Variants in ADCY7 observed in about 807,000 individuals in gnomAD.
ADCY7 encodes adenylate cyclase type 7.
ADCY7 carries 72 observed loss-of-function variants against 120.6 expected under a neutral mutation model. That is an observed-to-expected ratio of 0.60 (90% confidence interval 0.49 to 0.73). The LOEUF is 0.73. ADCY7 is among the 30% of genes least tolerant of loss of function. The pLI is 0.00. For synonymous variants in ADCY7, 661 were observed against 628.0 expected (o/e 1.05, Z -0.78); for missense variants, 1,227 against 1,486.0 (o/e 0.83, Z 2.87).
intron 5 of ADCY7, 111 bp downstream of exon 5, chr16:50,292,936 A>C: frequency 1.2e-5 from 17 of 1,384,692 alleles, no homozygotes; most frequent in African/African-American, 1.4e-5. Context: ...CCAGACACCC[A>C]TGCAGGTCTC....
Position 50,315,151 on chromosome 16 carries a change from T to TTA in ADCY7, c.3096+13_3096+14insTA. 6.2e-7 allele frequency: 1 copy of TTA among 1,613,766 alleles called. No individual in the cohort carries two copies. Among genetic ancestry groups the TTA allele is most frequent in the South Asian group, 1.1e-5 (1 of 91,032 alleles). On this transcript the variant is annotated intron_variant, in intron 25 of 25. Coordinates refer to ENST00000673801, the MANE Select transcript of ADCY7 (RefSeq NM_001114.5). Reference sequence around the variant, plus strand: ...TGGGAAAATCCAGGTAAAGACCTATTGGGGAAGCAGTTGACTAAGGGGAAA... The same window carrying TTA: ...TGGGAAAATCCAGGTAAAGACCTATTTAGGGGAAGCAGTTGACTAAGGGGAAA...
chr16:50,282,595 C>T (rs1219057731), intron 1 of ADCY7, among the ~76,000 whole-genome samples: 1 of 152,136 alleles, frequency 6.6e-6, no homozygotes, highest in Non-Finnish European at 1.5e-5. Context: ...TTGGTCATAG[C>T]TCTGTCCTGG....
intron 18 of ADCY7, chr16:50,310,363 T>TG (rs910663360): frequency 8.7e-7 from 1 of 1,149,306 alleles, no homozygotes; most frequent in African/African-American, 1.5e-5. Flanking sequence ...AGAGGTCCTT[T>TG]GGGAGGGTAA....
intron 19 of ADCY7, 42 bp from the exon 20 acceptor site, chr16:50,311,651 T>C (rs745834271): frequency 1.1e-5 from 15 of 1,388,638 alleles, no homozygotes; most frequent in Non-Finnish European, 1.5e-5. Flanking sequence ...TGGGTTGGAG[T>C]GGTGAGTGCT....
intron 1 of ADCY7, among the ~76,000 whole-genome samples, chr16:50,274,388 A>C (rs2033749528): frequency 6.9e-6 from 1 of 145,560 alleles, no homozygotes; most frequent in Non-Finnish European, 1.5e-5. Context: ...GGCTCCAGGG[A>C]CAGCCATGGC....
At chr16:50,312,002 G>T in intron 20 of ADCY7, 34 bp from the exon 21 acceptor site, 1 of 1,612,154 alleles carries the variant, frequency 6.2e-7, no homozygotes, top group South Asian at 1.1e-5. Context: ...CCACTTGCCT[G>T]TGGACGGGGC....
chr16:50,314,393 CCGCCTCCGCGT>C lies in ADCY7; in HGVS notation c.2961_2971del (p.Leu988HisfsTer19). The C allele has an allele frequency of 6.2e-7, 1 of 1,613,828 alleles. No individual in the cohort carries two copies. The highest frequency in any genetic ancestry group is 8.5e-7 in the Non-Finnish European group (1 of 1,180,006). On this transcript the variant is annotated frameshift_variant and splice_region_variant, in exon 24 of 26. Transcript: ENST00000673801. LOFTEE classifies it high-confidence loss of function. ...TCAACAGGCACTCCTTCAACTCCTT[CCGCCTCCGCGT>C]CGGTGAGCCCGGGTGATGGAGCGGG... is the stretch of plus-strand genomic sequence containing the variant.
rs1491372621 is a variant in ADCY7 at position 50,311,801 on chromosome 16, C to CA, written c.2448+15_2448+16insA. ...TCTCCAGACAGGTAAGGAGGCTGGC[C>CA]CCCCCCCCCCCCCCAAGCTCTGCCC... is the stretch of plus-strand genomic sequence containing the variant. On this transcript the variant is annotated intron_variant, in intron 20 of 25. Transcript: ENST00000673801. 3.7e-5 allele frequency: 2 copies of CA among 53,682 alleles called. No individual in the cohort carries two copies. Among genetic ancestry groups the CA allele is most frequent in the Admixed American group, 1.8e-3 (2 of 1,142 alleles). The allele number at this position is 53,682 out of a possible 1,614,324, so 3.3% of individuals were successfully genotyped here.
intron 1 of ADCY7, 23 bp downstream of exon 1, chr16:50,266,703 G>C (rs1449134429): frequency 6.5e-6 from 1 of 153,006 alleles, no homozygotes; most frequent in African/African-American, 2.4e-5. Flanking sequence ...TGTGGGGATG[G>C]AGTGTCACCA....
intron 1 of ADCY7, among the ~76,000 whole-genome samples, chr16:50,276,977 A>G (rs2033936683): frequency 6.6e-6 from 1 of 151,688 alleles, no homozygotes; most frequent in Non-Finnish European, 1.5e-5. Context: ...TAAGCAACAC[A>G]CTGACAATAG....
intron 1 of ADCY7, among the ~76,000 whole-genome samples, chr16:50,268,383 G>A (rs1382422848): frequency 6.6e-6 from 1 of 151,976 alleles, no homozygotes; most frequent in Non-Finnish European, 1.5e-5. Context: ...GGGATTATAG[G>A]TGTGAGCCAC....
At chr16:50,260,268 C>G (rs1284483647) in intron 1 of ADCY7, among the ~76,000 whole-genome samples, 1 of 152,164 alleles carries the variant, frequency 6.6e-6, no homozygotes, top group African/African-American at 2.4e-5. Context: ...CCAGATGGGT[C>G]TGATGGAGGA....
At chr16:50,311,878 G>A in intron 20 of ADCY7, 92 bp downstream of exon 20, 3 of 1,449,700 alleles carry the variant, frequency 2.1e-6, no homozygotes, top group South Asian at 1.2e-5. Context: ...GGGCTCAGGT[G>A]GAGTAGCAGA....
Position 50,310,825 on chromosome 16 carries a change from T to A in ADCY7, c.2299T>A (p.Trp767Arg), listed in dbSNP as rs1456333263. 6.2e-7 allele frequency: 1 copy of A among 1,613,812 alleles called. No individual in the cohort carries two copies. The highest frequency in any genetic ancestry group is 8.5e-7 in the Non-Finnish European group (1 of 1,179,916). ...VLFNLSPCWQ[W>R]DCCGQGLGNL... is the part of the protein sequence containing the mutation. ...CTTCAACCTCTCCCCATGCTGGCAG[T>A]GGGACTGCTGCGGCCAAGGCCTGGG... The change falls in exon 19 of 26, where the codon TGG becomes AGG. Residue 767 changes from tryptophan (W) to arginine (R), a missense_variant. Transcript: ENST00000673801.
At chr16:50,288,376 C>T (rs1328118206) in intron 2 of ADCY7, 26 bp downstream of exon 2, 2 of 1,516,982 alleles carry the variant, frequency 1.3e-6, no homozygotes, top group South Asian at 1.2e-5. Flanking sequence ...CCCTGGGCTT[C>T]ACGTCTCGGC....
At position 50,304,457 on chromosome 16, in the gene ADCY7, A is replaced by T. The variant is rs747462531; in HGVS notation, c.1466A>T (p.Glu489Val). 1 of 1,609,642 alleles carries T rather than the reference A, an allele frequency of 6.2e-7. No individual in the cohort carries two copies. Among genetic ancestry groups the T allele is most frequent in the East Asian group, 2.2e-5 (1 of 44,750 alleles). ...RASVRMTRYLESWGAARPFAH... is the reference protein window; with the variant it reads ...RASVRMTRYLVSWGAARPFAH... ...TCAGTGCGCATGACCCGGTACCTCG[A>T]GTCCTGGGGGGCGGCACGGCCCTTT... is the stretch of plus-strand genomic sequence containing the variant. The change falls in exon 11 of 26, where the codon GAG becomes GTG. Residue 489 changes from glutamate to valine, a missense_variant. Coordinates refer to ENST00000673801, the MANE Select transcript of ADCY7 (RefSeq NM_001114.5).
At chr16:50,295,391 C>T (rs1437777481) in intron 7 of ADCY7, among the ~76,000 whole-genome samples, 5 of 109,174 alleles carry the variant, frequency 4.6e-5, no homozygotes, top group Non-Finnish European at 7.0e-5. Flanking sequence ...AATGGGGTTT[C>T]GCCATGTAGG....
chr16:50,310,915 G>C, intron 19 of ADCY7, 35 bp downstream of exon 19: 2 of 1,536,400 alleles, frequency 1.3e-6, no homozygotes. Flanking sequence ...CCATCCCCAT[G>C]GTGGCCTGTT....
At chr16:50,263,166 G>T (rs905753895), upstream of ADCY7, among the ~76,000 whole-genome samples, 1 of 152,188 alleles carries the variant, frequency 6.6e-6, no homozygotes, top group Admixed American at 6.5e-5. Context: ...AGGGATGATA[G>T]CAGGGCCTTC....
Sources: gnomAD v4.1 joint callset for allele counts (sites outside exome capture counted in the v4.1 genomes callset) on GRCh38, gnomAD v4.1.1 for gene constraint, MANE v1.5 for transcripts, NCBI Gene and HGNC (gene_info 2026-07-23, HGNC 2026-07-21) for gene names.